AK9: variants seen among roughly 807,000 people sequenced by gnomAD.
AK9 encodes the protein adenylate kinase domain containing 1.
AK9 carries 191 observed loss-of-function variants against 239.6 expected under a neutral mutation model. The ratio of observed to expected loss-of-function variants is 0.80; its 90% confidence interval spans 0.71 to 0.90. The LOEUF (loss-of-function observed/expected upper bound fraction) is 0.90, where lower values mean the gene tolerates loss of function less well. Ranked by LOEUF, AK9 falls within the 40% of genes least tolerant of loss-of-function variation. The pLI is 0.00. For missense variants in AK9, 1,995 were observed against 2,214.7 expected (o/e 0.90, Z 1.99); for synonymous variants, 689 against 721.0 (o/e 0.96, Z 0.71).
chr6:109,607,755 A>AT (rs1367247009), intron 17 of AK9, among the ~76,000 whole-genome samples: 1 of 145,826 alleles, frequency 6.9e-6, no homozygotes, highest in Non-Finnish European at 1.5e-5. Context: ...CCCGATCAAA[A>AT]TCCCAGCAGA....
intron 6 of AK9, among the ~76,000 whole-genome samples, 172 bp from the exon 7 acceptor site, chr6:109,659,585 G>T (rs1177333426): frequency 1.3e-5 from 2 of 152,074 alleles, no homozygotes; most frequent in Admixed American, 6.6e-5. Context: ...TGCCAAGAGA[G>T]GCTCAGACAC....
At chr6:109,683,069 C>T (rs1168120559) in intron 1 of AK9, among the ~76,000 whole-genome samples, 3 of 152,176 alleles carry the variant, frequency 2.0e-5, no homozygotes, top group Non-Finnish European at 4.4e-5. Flanking sequence ...TCAGCTTTAT[C>T]CCTGGGATGC....
intron 2 of AK9, among the ~76,000 whole-genome samples, chr6:109,674,595 T>A (rs1295082693): frequency 2.0e-5 from 3 of 152,200 alleles, no homozygotes; most frequent in Non-Finnish European, 2.9e-5. Context: ...TATTGGAGAG[T>A]CATCATTTTA....
At chr6:109,597,791 T>C (rs2128225231) in intron 17 of AK9, among the ~76,000 whole-genome samples, 1 of 152,126 alleles carries the variant, frequency 6.6e-6, no homozygotes, top group South Asian at 2.1e-4. Flanking sequence ...AGTGGAAGTT[T>C]ATTAAAAAGC....
chr6:109,575,083 A>G (rs1787889858), intron 20 of AK9, among the ~76,000 whole-genome samples: 1 of 152,138 alleles, frequency 6.6e-6, no homozygotes, highest in South Asian at 2.1e-4. Flanking sequence ...ATATATATAT[A>G]TCACATGTTC....
intron 19 of AK9, among the ~76,000 whole-genome samples, chr6:109,584,475 G>A (rs62436146): frequency 5.2e-4 from 79 of 152,236 alleles, no homozygotes; most frequent in African/African-American, 1.8e-3. Flanking sequence ...TATTTAAAGA[G>A]AATTTTTTAG....
At position 109,500,034 on chromosome 6, in the gene AK9, TACACACACAC is replaced by T. The variant is rs36086518; in HGVS notation, c.4850-804_4850-795del. 1.4e-3 allele frequency among the ~76,000 whole-genome samples: 198 copies of T among 141,466 alleles called. 1 individual carries two copies. Among genetic ancestry groups the T allele is most frequent in the African/African-American group, 4.5e-3 (172 of 37,990 alleles). 92.8% of individuals were successfully genotyped at this position (141,466 alleles called of 152,430 possible). ...TAGCTATTATAGACTATATATATGATACACACACACACACACACACACACACACACACACA... is the reference window on the plus strand; with the variant it reads ...TAGCTATTATAGACTATATATATGATACACACACACACACACACACACACA... On this transcript the variant is annotated intron_variant, in intron 35 of 40. Coordinates refer to ENST00000424296, the MANE Select transcript of AK9 (RefSeq NM_001145128.3).
intron 1 of AK9, among the ~76,000 whole-genome samples, chr6:109,688,490 C>T (rs144477482): frequency 0.017 from 2,569 of 152,276 alleles, 86 homozygotes; most frequent in Admixed American, 0.089. Context: ...TACCTAGAAG[C>T]TACTGGTTTG....
chr6:109,553,650 G>C (rs555417547), intron 24 of AK9, among the ~76,000 whole-genome samples: 23 of 152,178 alleles, frequency 1.5e-4, no homozygotes, highest in Non-Finnish European at 3.4e-4. Context: ...TCTGCAAGCA[G>C]AGACAACTTG....
chr6:109,617,446 T>A (rs1303510846), intron 13 of AK9, among the ~76,000 whole-genome samples: 1 of 94,092 alleles, frequency 1.1e-5, no homozygotes, highest in Non-Finnish European at 2.5e-5. Flanking sequence ...TTACATTATG[T>A]ATTAAAAGTT....
intron 19 of AK9, among the ~76,000 whole-genome samples, chr6:109,582,242 G>A (rs990124135): frequency 6.6e-6 from 1 of 152,148 alleles, no homozygotes; most frequent in African/African-American, 2.4e-5. Context: ...TGACTTTTAA[G>A]TCTAATTATT....
intron 27 of AK9, among the ~76,000 whole-genome samples, chr6:109,538,965 G>A (rs747291564): frequency 3.3e-5 from 5 of 152,150 alleles, no homozygotes; most frequent in Admixed American, 2.0e-4. Context: ...AGTTTCTGCC[G>A]AGAGATCCGC....
chr6:109,605,008 G>T (rs940755166), intron 17 of AK9, among the ~76,000 whole-genome samples: 3 of 152,046 alleles, frequency 2.0e-5, no homozygotes, highest in Admixed American at 2.0e-4. Flanking sequence ...TTGTTTTTTA[G>T]ATTATTTTCT....
intron 12 of AK9, among the ~76,000 whole-genome samples, chr6:109,624,352 T>C (rs1295760906): frequency 6.6e-6 from 1 of 152,188 alleles, no homozygotes; most frequent in African/African-American, 2.4e-5. Context: ...TGTCACCATC[T>C]TGGTTTAGGC....
intron 20 of AK9, among the ~76,000 whole-genome samples, chr6:109,576,420 C>CTTTTTTTTTTTTTTTTTTTTTTTTTT (rs3060763): frequency 1.9e-5 from 2 of 103,478 alleles, no homozygotes; most frequent in Non-Finnish European, 3.9e-5. Context: ...CATATATATA[C>CTTTTTTTTTTTTTTTTTTTTTTTTTT]TTTTTTTTTT....
chr6:109,516,048 T>C lies in AK9; in HGVS notation c.3874A>G (p.Ile1292Val). The C allele has an allele frequency of 6.5e-7, 1 of 1,550,370 alleles. No individual in the cohort carries two copies. The highest frequency in any genetic ancestry group is 1.4e-5 in the African/African-American group (1 of 73,134). The part of the protein sequence containing the change: ...QDELERYLIP[I>V]ISINGARRNH... Reference sequence around the variant, plus strand: ...CTCCGAGCTCCATTAATGGAAATTATTGGTATCAAATACCTCTCAAGTTCA... The same window carrying C: ...CTCCGAGCTCCATTAATGGAAATTACTGGTATCAAATACCTCTCAAGTTCA... Residue 1292 changes from isoleucine to valine, a missense_variant, in exon 31 of 41, where the codon ATA becomes GTA. By Grantham distance (29) the Ile-to-Val change is conservative. Transcript: ENST00000424296.
chr6:109,534,639 A>G lies in AK9; in HGVS notation c.3351-1169T>C, dbSNP rs563942172. Reference sequence around the variant, plus strand: ...AATTATACTTTAAGTTCTAGGGTACATGTGCACAACGTGCAGGTTTGTTAC... The same window carrying G: ...AATTATACTTTAAGTTCTAGGGTACGTGTGCACAACGTGCAGGTTTGTTAC... On this transcript the variant is annotated intron_variant, in intron 27 of 40. Transcript: ENST00000424296. Among the ~76,000 whole-genome samples the G allele has an allele frequency of 3.4e-4, 52 of 152,092 alleles. No homozygotes were observed. In the South Asian group the frequency reaches 0.011, roughly 31 times the overall value.
chr6:109,554,546 T>C (rs1180891034), intron 24 of AK9, among the ~76,000 whole-genome samples: 9 of 147,186 alleles, frequency 6.1e-5, no homozygotes, highest in African/African-American at 2.3e-4. Flanking sequence ...TTTTTTTTTT[T>C]TTGGAGAAAA....
intron 17 of AK9, among the ~76,000 whole-genome samples, chr6:109,588,966 T>C (rs1206301864): frequency 6.6e-6 from 1 of 152,206 alleles, no homozygotes; most frequent in Non-Finnish European, 1.5e-5. Flanking sequence ...CCATGCTGTT[T>C]TGGTTACTAT....
Sources: gnomAD v4.1 joint callset for allele counts (sites outside exome capture counted in the v4.1 genomes callset) on GRCh38, gnomAD v4.1.1 for gene constraint, MANE v1.5 for transcripts, NCBI Gene and HGNC (gene_info 2026-07-23, HGNC 2026-07-21) for gene names.